AK2: variants seen among roughly 807,000 people sequenced by gnomAD.
AK2 encodes adenylate kinase 2, mitochondrial.
AK2 carries 15 observed loss-of-function variants against 24.6 expected under a neutral mutation model. The ratio of observed to expected loss-of-function variants is 0.61; its 90% CI spans 0.41 to 0.94. The LOEUF is 0.94. Among genes scored for constraint, AK2 ranks in the 40% least tolerant of loss-of-function variants. AK2 has a pLI of 0.00. For synonymous variants in AK2, 102 were observed against 114.0 expected (o/e 0.90, Z 0.67); for missense variants, 257 against 304.1 (o/e 0.85, Z 1.15).
Position 33,024,505 on chromosome 1 carries a change from G to A in AK2, c.156C>T (p.Ala52=). ...CHLATGDMLR[A]MVASGSELGK... is the part of the protein sequence containing the mutation. Reference sequence around the variant, plus strand: ...CTAGCTCTGAGCCAGAAGCCACCATGGCCCTCAGCATGTCCCCAGTAGCTA... The same window carrying A: ...CTAGCTCTGAGCCAGAAGCCACCATAGCCCTCAGCATGTCCCCAGTAGCTA... Residue 52 remains alanine (A), a synonymous_variant, in exon 2 of 6, where the codon GCC becomes GCT. Transcript: ENST00000672715. 1 of 1,614,150 alleles carries A rather than the reference G, an allele frequency of 6.2e-7. No individual in the cohort carries two copies. Among genetic ancestry groups the A allele is most frequent in the East Asian group, 2.2e-5 (1 of 44,878 alleles).
chr1:33,034,986 C>T (rs536848312), intron 1 of AK2, among the ~76,000 whole-genome samples: 45 of 151,998 alleles, frequency 3.0e-4, no homozygotes, highest in African/African-American at 7.0e-4. Context: ...CACACCACTG[C>T]GCTCCAACCT....
chr1:33,012,016 G>A lies in AK2; in HGVS notation c.*1165C>T, dbSNP rs1255493178. ...TGAATCCAAGAATAGATCACACACT[G>A]TTTTGTTCACACTTGGAAACACAGG... On this transcript the variant is annotated 3_prime_UTR_variant, in exon 6 of 6. Coordinates refer to ENST00000672715, the MANE Select transcript of AK2 (RefSeq NM_001625.4). 4 of 1,535,126 alleles carry A rather than the reference G, an allele frequency of 2.6e-6. No individual in the cohort carries two copies. The African/African-American group carries it at 5.5e-5, about 21-fold the overall frequency.
At position 33,012,038 on chromosome 1, in the gene AK2, C is replaced by A. The variant is rs1447558087; in HGVS notation, c.*1143G>T. The A allele has an allele frequency of 2.6e-6, 4 of 1,535,398 alleles. No individual in the cohort carries two copies. The highest frequency in any genetic ancestry group is 8.7e-7 in the Non-Finnish European group (1 of 1,146,708). On this transcript the variant is annotated 3_prime_UTR_variant, in exon 6 of 6. Coordinates refer to ENST00000672715, the MANE Select transcript of AK2 (RefSeq NM_001625.4). ...ACTGTTTTGTTCACACTTGGAAACA[C>A]AGGCAAACATTAAAAATAAAAGCAA...
Position 33,012,164 on chromosome 1 carries a change from A to C in AK2, c.*1017T>G. 6.5e-7 allele frequency: 1 copy of C among 1,535,454 alleles called. No individual in the cohort carries two copies. Among genetic ancestry groups the C allele is most frequent in the Non-Finnish European group, 8.7e-7 (1 of 1,146,726 alleles). On this transcript the variant is annotated 3_prime_UTR_variant, in exon 6 of 6. Transcript: ENST00000672715. ...CAATCTGAATTCAAAAGGACCTTTC[A>C]CCTGGTTTAATTCTCTGGCAACAAT...
At position 33,011,077 on chromosome 1, in the gene AK2, C is replaced by T. The variant is rs774359743; in HGVS notation, c.*2104G>A. The T allele has an allele frequency of 1.2e-5, 17 of 1,440,944 alleles. No homozygotes were observed. Among genetic ancestry groups the T allele is most frequent in the Non-Finnish European group, 1.5e-5 (17 of 1,103,462 alleles). The allele number at this position is 1,440,944 out of a possible 1,614,324, so 89.3% of individuals were successfully genotyped here. A position where few individuals can be genotyped will look rare whatever the true frequency, so the allele number is the denominator to read the frequency against. On this transcript the variant is annotated 3_prime_UTR_variant, in exon 6 of 6. Coordinates refer to ENST00000672715, the MANE Select transcript of AK2 (RefSeq NM_001625.4). ...TGAATCTTCCAGTTCTTATGGGCAG[C>T]CCAAATATTACTTGTACATGTTGTA...
intron 1 of AK2, among the ~76,000 whole-genome samples, chr1:33,027,137 CA>C (rs1639942952): frequency 6.6e-6 from 1 of 152,088 alleles, no homozygotes; most frequent in South Asian, 2.1e-4. Flanking sequence ...CCCAAAAAAC[CA>C]AAATTCTGTA....
chr1:33,016,352 C>T (rs1045836300), intron 4 of AK2, among the ~76,000 whole-genome samples: 1 of 152,144 alleles, frequency 6.6e-6, no homozygotes, highest in African/African-American at 2.4e-5. Context: ...GCTGGGACTA[C>T]AGGCGCCCAC....
chr1:33,027,585 T>C (rs940189332), intron 1 of AK2, among the ~76,000 whole-genome samples: 3 of 151,776 alleles, frequency 2.0e-5, no homozygotes, highest in Non-Finnish European at 4.4e-5. Context: ...CCGTCTCTAC[T>C]AAAAATACAA....
At chr1:33,019,051 G>GA (rs1179188749) in intron 4 of AK2, among the ~76,000 whole-genome samples, 1 of 152,098 alleles carries the variant, frequency 6.6e-6, no homozygotes, top group East Asian at 1.9e-4. Context: ...TAGCCTCAGC[G>GA]AAAGTCCAAC....
At chr1:33,030,468 C>T (rs1392003293) in intron 1 of AK2, among the ~76,000 whole-genome samples, 1 of 151,994 alleles carries the variant, frequency 6.6e-6, no homozygotes, top group Admixed American at 6.6e-5. Context: ...GTGGGAGGAC[C>T]ATTTGAGCCC....
chr1:33,025,188 CAAAAAAAAAAAA>C (rs386366656), intron 1 of AK2, among the ~76,000 whole-genome samples: 1 of 68,404 alleles, frequency 1.5e-5, no homozygotes, highest in Non-Finnish European at 2.8e-5. Context: ...GACTTCGTCT[CAAAAAAAAAAAA>C]AAAAAAAAAA....
Position 33,009,588 on chromosome 1 carries a change from C to G in AK2, c.*3593G>C, listed in dbSNP as rs749997110. 4.4e-6 allele frequency: 2 copies of G among 453,976 alleles called. No homozygotes were observed. The highest frequency in any genetic ancestry group is 2.0e-5 in the African/African-American group (1 of 49,982). 28.1% of individuals were successfully genotyped at this position (453,976 alleles called of 1,614,324 possible). ...TAAATTTCATTTAATGCCATTAAGG[C>G]CAAGAAGGTGGCATAACCAACTTCC... On this transcript the variant is annotated 3_prime_UTR_variant, in exon 6 of 6. Transcript: ENST00000672715.
intron 2 of AK2, chr1:33,023,976 G>A (rs780795525): frequency 1.4e-5 from 3 of 207,096 alleles, no homozygotes; most frequent in Non-Finnish European, 3.0e-5. Context: ...TTTGAGACCA[G>A]CCTGGCCAAC....
intron 4 of AK2, among the ~76,000 whole-genome samples, chr1:33,015,485 TC>T (rs1391109796): frequency 6.6e-6 from 1 of 152,242 alleles, no homozygotes; most frequent in African/African-American, 2.4e-5. Flanking sequence ...TTCTGTGGTT[TC>T]TCAATTCTCT....
chr1:33,034,984 T>C (rs1180479568), intron 1 of AK2, among the ~76,000 whole-genome samples: 1 of 151,946 alleles, frequency 6.6e-6, no homozygotes, highest in Non-Finnish European at 1.5e-5. Flanking sequence ...CTCACACCAC[T>C]GCGCTCCAAC....
At chr1:33,027,701 C>T (rs1459675149) in intron 1 of AK2, among the ~76,000 whole-genome samples, 11 of 149,578 alleles carry the variant, frequency 7.4e-5, no homozygotes, top group African/African-American at 2.2e-4. Flanking sequence ...GAGCGGAGAT[C>T]GCGCCACTGT....
Position 33,021,717 on chromosome 1 carries a change from A to G in AK2, c.220-14T>C. 6.3e-7 allele frequency: 1 copy of G among 1,596,486 alleles called. No homozygotes were observed. Among genetic ancestry groups the G allele is most frequent in the Non-Finnish European group, 8.6e-7 (1 of 1,163,926 alleles). On this transcript the variant is annotated splice_polypyrimidine_tract_variant and intron_variant, in intron 2 of 5. Coordinates refer to ENST00000672715, the MANE Select transcript of AK2 (RefSeq NM_001625.4). ...TTCATCACTCACCTGGAAGTTAGGA[A>G]CAAAATAGCCTTGGGTTTAAATCCA...
chr1:33,012,037 A>G lies in AK2; in HGVS notation c.*1144T>C. ...CACTGTTTTGTTCACACTTGGAAAC[A>G]CAGGCAAACATTAAAAATAAAAGCA... On this transcript the variant is annotated 3_prime_UTR_variant, in exon 6 of 6. Coordinates refer to ENST00000672715, the MANE Select transcript of AK2 (RefSeq NM_001625.4). The G allele has an allele frequency of 6.5e-7, 1 of 1,535,444 alleles. No homozygotes were observed. The highest frequency in any genetic ancestry group is 1.2e-5 in the South Asian group (1 of 84,044).
intron 1 of AK2, among the ~76,000 whole-genome samples, chr1:33,028,467 C>T (rs1640038199): frequency 6.6e-6 from 1 of 151,472 alleles, no homozygotes; most frequent in Non-Finnish European, 1.5e-5. Flanking sequence ...TGCCGCTACA[C>T]TCCAGCCTGG....
Sources: allele counts gnomAD v4.1 joint callset (sites outside exome capture counted in the v4.1 genomes callset), GRCh38; gene constraint gnomAD v4.1.1; transcripts MANE v1.5; gene names NCBI Gene and HGNC (gene_info 2026-07-23, HGNC 2026-07-21).